BAZ1B: variants seen among roughly 807,000 people sequenced by gnomAD.
BAZ1B encodes tyrosine-protein kinase BAZ1B.
Under a neutral mutation model 153.8 loss-of-function variants are expected in BAZ1B, and 22 were observed. The ratio of observed to expected loss-of-function variants is 0.14; its 90% CI spans 0.10 to 0.20. The LOEUF (loss-of-function observed/expected upper bound fraction) is 0.20, where lower values mean the gene tolerates loss of function less well. Ranked by LOEUF, BAZ1B falls within the 10% of genes least tolerant of loss-of-function variation. BAZ1B has a pLI of 1.00. For synonymous variants in BAZ1B, 676 were observed against 633.4 expected (o/e 1.07, Z -1.01); for missense variants, 1,325 against 1,799.3 (o/e 0.74, Z 4.77).
intron 13 of BAZ1B, among the ~76,000 whole-genome samples, chr7:73,451,695 AACTG>A (rs548832861): frequency 9.9e-5 from 15 of 152,252 alleles, no homozygotes; most frequent in East Asian, 3.8e-4. Context: ...TTCAACTGGA[AACTG>A]ACTGACTCTG....
intron 6 of BAZ1B, among the ~76,000 whole-genome samples, chr7:73,479,582 A>T (rs550346843): frequency 6.6e-6 from 1 of 151,144 alleles, no homozygotes; most frequent in East Asian, 1.9e-4. Flanking sequence ...ATACCCTCTT[A>T]TGTTCCAAAT....
chr7:73,447,431 C>T, intron 15 of BAZ1B, 52 bp from the exon 16 acceptor site: 1 of 1,558,228 alleles, frequency 6.4e-7, no homozygotes, highest in Non-Finnish European at 8.7e-7. Context: ...CAAAGTGGTC[C>T]TAAGAAGGGC....
chr7:73,511,084 C>T (rs1257578636), intron 1 of BAZ1B, among the ~76,000 whole-genome samples: 3 of 151,330 alleles, frequency 2.0e-5, no homozygotes, highest in Non-Finnish European at 2.9e-5. Flanking sequence ...CTGGCTAACA[C>T]GGTGAAACCC....
At chr7:73,479,462 C>T (rs1262382710) in intron 6 of BAZ1B, among the ~76,000 whole-genome samples, 4 of 147,236 alleles carry the variant, frequency 2.7e-5, no homozygotes, top group Non-Finnish European at 6.0e-5. Context: ...GAGCCAGGAT[C>T]ACACCACTGC....
intron 7 of BAZ1B, 31 bp downstream of exon 7, chr7:73,476,837 C>T: frequency 3.2e-6 from 5 of 1,564,252 alleles, no homozygotes; most frequent in Non-Finnish European, 4.3e-6. Context: ...TTCTACAGAG[C>T]TTCCCCTTTT....
Position 73,521,894 on chromosome 7 carries a change from T to C in BAZ1B, c.40A>G (p.Lys14Glu). 6.7e-7 allele frequency: 1 copy of C among 1,498,856 alleles called. No homozygotes were observed. Among genetic ancestry groups the C allele is most frequent in the Admixed American group, 2.1e-5 (1 of 47,064 alleles). The allele number at this position is 1,498,856 out of a possible 1,614,324, so 92.8% of individuals were successfully genotyped here. ...AGCGGCTCCTCTCCGGGCAACGGCT[T>C]CACCAGCGGGAAGGGCTTGCGGCCC... ...LLGRKPFPLV[K>E]PLPGEEPLFT... Residue 14 changes from lysine to glutamate, a missense_variant, in exon 1 of 20, where the codon AAG becomes GAG. Lys to Glu is a moderately conservative substitution (Grantham distance 56). This residue lies in a region of BAZ1B where 61 missense variants were observed against 61.5 expected (regional missense o/e 0.99). Transcript: ENST00000339594.
At chr7:73,442,588 C>G (rs782433429) in intron 18 of BAZ1B, 35 bp from the exon 19 acceptor site, 1 of 1,582,710 alleles carries the variant, frequency 6.3e-7, no homozygotes, top group Non-Finnish European at 8.6e-7. Flanking sequence ...ATCTGCACAG[C>G]CTTGACGGCA....
At chr7:73,517,308 CT>C (rs1554579521) in intron 1 of BAZ1B, among the ~76,000 whole-genome samples, 1 of 152,066 alleles carries the variant, frequency 6.6e-6, no homozygotes, top group East Asian at 1.9e-4. Flanking sequence ...GCCGGGGCAA[CT>C]TTGCAAGACC....
At chr7:73,496,173 A>G (rs1268882993) in intron 4 of BAZ1B, among the ~76,000 whole-genome samples, 2 of 152,182 alleles carry the variant, frequency 1.3e-5, no homozygotes, top group Non-Finnish European at 2.9e-5. Context: ...CGGAAAGCAG[A>G]GAGAATATTC....
chr7:73,463,618 C>A (rs1482314678), intron 11 of BAZ1B, among the ~76,000 whole-genome samples: 1 of 152,158 alleles, frequency 6.6e-6, no homozygotes, highest in East Asian at 1.9e-4. Flanking sequence ...ATTCAACACA[C>A]ATAGCTATCA....
intron 6 of BAZ1B, among the ~76,000 whole-genome samples, chr7:73,482,688 A>G (rs1554573855): frequency 6.6e-6 from 1 of 152,200 alleles, no homozygotes; most frequent in Non-Finnish European, 1.5e-5. Context: ...TTAGAAGCAT[A>G]GTAGTATGAA....
chr7:73,473,364 C>G (rs567490366), intron 7 of BAZ1B, among the ~76,000 whole-genome samples: 20 of 152,288 alleles, frequency 1.3e-4, no homozygotes, highest in African/African-American at 4.8e-4. Flanking sequence ...ACCAGCCTAA[C>G]CAACATGGTG....
At chr7:73,476,632 A>G (rs1180890250) in intron 7 of BAZ1B, among the ~76,000 whole-genome samples, 1 of 152,218 alleles carries the variant, frequency 6.6e-6, no homozygotes, top group Non-Finnish European at 1.5e-5. Flanking sequence ...TGAACCCAGA[A>G]AAGATGCCAA....
intron 3 of BAZ1B, among the ~76,000 whole-genome samples, chr7:73,504,626 CG>C (rs1384817807): frequency 1.3e-5 from 2 of 151,490 alleles, no homozygotes; most frequent in Non-Finnish European, 2.9e-5. Flanking sequence ...ATCGCGCCAC[CG>C]GACTCCAGCC....
intron 15 of BAZ1B, 111 bp from the exon 16 acceptor site, chr7:73,447,490 A>G (rs1554566937): frequency 2.2e-5 from 28 of 1,251,650 alleles, no homozygotes; most frequent in East Asian, 5.1e-5. Flanking sequence ...CTACATATGT[A>G]TAACGTATGA....
intron 6 of BAZ1B, among the ~76,000 whole-genome samples, chr7:73,479,504 G>A (rs547247569): frequency 2.3e-4 from 26 of 111,414 alleles, no homozygotes; most frequent in Non-Finnish European, 3.7e-4. Context: ...CAAGACCCCC[G>A]TCTCAAAAAA....
At chr7:73,489,515 T>C (rs774813418) in intron 5 of BAZ1B, 124 bp from the exon 6 acceptor site, 12 of 955,866 alleles carry the variant, frequency 1.3e-5, no homozygotes, top group South Asian at 6.4e-5. Flanking sequence ...GGCTACAAAT[T>C]AGAAAGAAAA....
At chr7:73,454,962 T>TAA (rs782053424) in intron 13 of BAZ1B, among the ~76,000 whole-genome samples, 3 of 152,030 alleles carry the variant, frequency 2.0e-5, no homozygotes, top group Non-Finnish European at 4.4e-5. Context: ...CTCAAGTGAT[T>TAA]CTCATGCCTC....
rs556763330 is a variant in BAZ1B, at chr7:73,471,279, G to A, written c.2594-796C>T. 9.2e-5 allele frequency among the ~76,000 whole-genome samples: 14 copies of A among 152,282 alleles called. No individual in the cohort carries two copies. In the South Asian group the frequency reaches 1.2e-3, roughly 14 times the overall value. On this transcript the variant is annotated intron_variant, in intron 7 of 19. Transcript: ENST00000339594. The stretch of plus-strand genomic sequence containing the variant: ...AAACCTGAAAAGCAACAGCAGGGAC[G>A]CACTTGTGGATAATAATTATTTTAC...
Sources: allele counts gnomAD v4.1 joint callset (sites outside exome capture counted in the v4.1 genomes callset), GRCh38; gene constraint gnomAD v4.1.1; regional missense constraint gnomAD v4.1.1; transcripts MANE v1.5; gene names NCBI Gene and HGNC (gene_info 2026-07-23, HGNC 2026-07-21).